OLFML2B: variants seen among roughly 807,000 people sequenced by gnomAD.
OLFML2B encodes olfactomedin-like protein 2B.
A neutral mutation model predicts 74.9 loss-of-function variants in OLFML2B; 57 were observed. The ratio of observed to expected loss-of-function variants is 0.76; its 90% CI spans 0.61 to 0.95. The LOEUF (loss-of-function observed/expected upper bound fraction) is 0.95, where lower values mean the gene tolerates loss of function less well. Ranked by LOEUF, OLFML2B falls within the 40% of genes least tolerant of loss-of-function variation. The probability of loss-of-function intolerance (pLI) is 0.00; values close to 1 mark genes in which losing one functional copy is unlikely to be tolerated. For missense variants in OLFML2B, 986 were observed against 970.6 expected, an observed-to-expected ratio of 1.02 and a Z score of -0.21; for synonymous variants, 388 against 405.8, an observed-to-expected ratio of 0.96 and a Z score of 0.53.
chr1:161,984,386 G>T, intron 7 of OLFML2B, 110 bp from the exon 8 acceptor site: 1 of 1,424,744 alleles, frequency 7.0e-7, no homozygotes, highest in Non-Finnish European at 9.3e-7. Context: ...CCAGGTTTGT[G>T]TCTTGGCTCT....
intron 6 of OLFML2B, among the ~76,000 whole-genome samples, chr1:161,993,875 G>A (rs2101952816): frequency 6.6e-6 from 1 of 152,322 alleles, no homozygotes; most frequent in Non-Finnish European, 1.5e-5. Flanking sequence ...GGCCACTTCA[G>A]TCACTGCTGC....
chr1:162,006,299 C>G lies in OLFML2B; in HGVS notation c.721G>C (p.Glu241Gln). 6.3e-7 allele frequency: 1 copy of G among 1,579,158 alleles called. No individual in the cohort carries two copies. The highest frequency in any genetic ancestry group is 8.6e-7 in the Non-Finnish European group (1 of 1,166,322). ...GCCCTTGGAGGCTGGGGCTATACCT[C>G]TGGGTGGGCGTAGGCTGCTGCTGCA... The part of the protein sequence containing the change: ...RDAAAAYAHP[E>Q]YEERFLQEET... Residue 241 changes from glutamate (E) to glutamine (Q), a missense_variant and splice_region_variant, in exon 4 of 8, where the codon GAG becomes CAG. By Grantham distance (29) the Glu-to-Gln change is conservative. Transcript: ENST00000294794.
intron 6 of OLFML2B, among the ~76,000 whole-genome samples, chr1:161,995,896 G>A (rs1332272167): frequency 6.6e-6 from 1 of 152,186 alleles, no homozygotes; most frequent in African/African-American, 2.4e-5. Context: ...ATGGCAAAGG[G>A]AGAGATGGAG....
chr1:162,014,977 G>A (rs1470612646), intron 3 of OLFML2B, among the ~76,000 whole-genome samples: 1 of 152,184 alleles, frequency 6.6e-6, no homozygotes, highest in African/African-American at 2.4e-5. Flanking sequence ...ATTAGAAAGA[G>A]CCCTGGACCA....
At position 162,011,153 on chromosome 1, in the gene OLFML2B, C is replaced by T. The variant is rs188531965; in HGVS notation, c.547-4680G>A. Among the ~76,000 whole-genome samples the T allele has an allele frequency of 1.7e-3, 265 of 152,302 alleles. 1 individual carries two copies. The highest frequency in any genetic ancestry group is 6.0e-3 in the African/African-American group (250 of 41,562). ...AGCCAGACTGCAGGTGAGGCAAACC[C>T]TGGCCCCAAGTCACACAGCAGGTGC... On this transcript the variant is annotated intron_variant, in intron 3 of 7. Transcript: ENST00000294794.
At chr1:162,021,056 GC>G (rs1390640988) in intron 1 of OLFML2B, among the ~76,000 whole-genome samples, 2 of 152,182 alleles carry the variant, frequency 1.3e-5, no homozygotes, top group Non-Finnish European at 2.9e-5. Flanking sequence ...AGTGATAAGT[GC>G]CCCCGAAGAG....
In OLFML2B at chr1:162,017,516, C is replaced by T; in HGVS notation, c.439-9G>A. ...TCTATGATTGTGGAGAGCTATGAAA[C>T]AAGGCAAGGGGTTAGTCCAGGGCTG... On this transcript the variant is annotated splice_polypyrimidine_tract_variant and intron_variant, in intron 2 of 7. Coordinates refer to ENST00000294794, the MANE Select transcript of OLFML2B (RefSeq NM_015441.3). 6.2e-7 allele frequency: 1 copy of T among 1,604,642 alleles called. No homozygotes were observed. Among genetic ancestry groups the T allele is most frequent in the Non-Finnish European group, 8.5e-7 (1 of 1,174,282 alleles).
chr1:162,006,947 AAC>A (rs1207455059), intron 3 of OLFML2B, among the ~76,000 whole-genome samples: 28 of 152,336 alleles, frequency 1.8e-4, no homozygotes, highest in African/African-American at 6.3e-4. Context: ...CAACAACAAC[AAC>A]AAAAAACTAC....
chr1:162,022,901 T>C (rs562575110), intron 1 of OLFML2B, among the ~76,000 whole-genome samples: 17 of 152,172 alleles, frequency 1.1e-4, no homozygotes, highest in Admixed American at 7.2e-4. Context: ...GGTCAACATA[T>C]CCGGCTGTTT....
At chr1:161,998,958 T>G (rs2499835) in intron 5 of OLFML2B, among the ~76,000 whole-genome samples, 99,192 of 152,002 alleles carry the variant, frequency 0.65, 32,589 homozygotes, top group Middle Eastern at 0.73. Flanking sequence ...AAAGATTCCA[T>G]GGGTGAATAA....
intron 5 of OLFML2B, 67 bp from the exon 6 acceptor site, chr1:161,998,416 T>C (rs776861377): frequency 3.3e-6 from 5 of 1,499,150 alleles, no homozygotes; most frequent in Middle Eastern, 1.8e-4. Context: ...CAAGAGCACA[T>C]GGCAATGAGC....
At chr1:162,021,813 C>T (rs890961158) in intron 1 of OLFML2B, among the ~76,000 whole-genome samples, 1 of 151,968 alleles carries the variant, frequency 6.6e-6, no homozygotes, top group African/African-American at 2.4e-5. Context: ...TCCTTCCTTA[C>T]AGGAGGCTCG....
chr1:161,995,002 T>G (rs749922329), intron 6 of OLFML2B, among the ~76,000 whole-genome samples: 13 of 152,224 alleles, frequency 8.5e-5, no homozygotes, highest in Non-Finnish European at 1.6e-4. Context: ...CCATGTCTAT[T>G]TCAGCCAAAA....
At chr1:162,002,790 C>T (rs1042091192) in intron 4 of OLFML2B, among the ~76,000 whole-genome samples, 2 of 152,206 alleles carry the variant, frequency 1.3e-5, no homozygotes, top group East Asian at 3.8e-4. Flanking sequence ...CCTGGGGCAG[C>T]CCCAACTCCT....
At chr1:162,009,728 C>T (rs946955453) in intron 3 of OLFML2B, among the ~76,000 whole-genome samples, 6 of 152,198 alleles carry the variant, frequency 3.9e-5, no homozygotes, top group African/African-American at 1.4e-4. Context: ...CTGGTGTCCC[C>T]CAGGGCAGCA....
chr1:162,016,812 T>C (rs1351202739), intron 3 of OLFML2B, among the ~76,000 whole-genome samples: 4 of 152,210 alleles, frequency 2.6e-5, no homozygotes, highest in African/African-American at 9.7e-5. Context: ...GCACCACCTG[T>C]ACCACTCCCA....
intron 6 of OLFML2B, among the ~76,000 whole-genome samples, chr1:161,993,864 C>T (rs748619833): frequency 3.9e-5 from 6 of 152,196 alleles, no homozygotes; most frequent in Non-Finnish European, 8.8e-5. Context: ...CCCATGTGCT[C>T]GGCCACTTCA....
At chr1:161,990,138 A>G (rs1170087894) in intron 6 of OLFML2B, among the ~76,000 whole-genome samples, 1 of 152,250 alleles carries the variant, frequency 6.6e-6, no homozygotes, top group Non-Finnish European at 1.5e-5. Context: ...TATATCAAGT[A>G]AAACAAAAAC....
At chr1:162,006,219 A>G in intron 4 of OLFML2B, 78 bp downstream of exon 4, 1 of 1,354,836 alleles carries the variant, frequency 7.4e-7, no homozygotes, top group Non-Finnish European at 9.9e-7. Context: ...AAGCCTGAAA[A>G]GTTCTATGCA....
Sources: gnomAD v4.1 joint callset for allele counts (sites outside exome capture counted in the v4.1 genomes callset) on GRCh38, gnomAD v4.1.1 for gene constraint, MANE v1.5 for transcripts, NCBI Gene and HGNC (gene_info 2026-07-23, HGNC 2026-07-21) for gene names.